The following SBF2 variants were observed in gnomAD, a reference collection of about 807,000 sequenced individuals.
SBF2 encodes the protein myotubularin-related protein 13.
SBF2 carries 112 observed loss-of-function variants against 225.2 expected under a neutral mutation model. The ratio of observed to expected loss-of-function variants is 0.50; its 90% CI spans 0.43 to 0.58. SBF2 has a LOEUF of 0.58. Among genes scored for constraint, SBF2 ranks in the 20% least tolerant of loss-of-function variants. SBF2 has a pLI of 0.00. For missense variants in SBF2, 1,996 were observed against 2,206.2 expected, an observed-to-expected ratio of 0.90 and a Z score of 1.91; for synonymous variants, 763 against 773.3, an observed-to-expected ratio of 0.99 and a Z score of 0.22.
intron 17 of SBF2, among the ~76,000 whole-genome samples, chr11:9,874,594 C>T (rs1859060872): frequency 6.6e-6 from 1 of 152,176 alleles, no homozygotes; most frequent in African/African-American, 2.4e-5. Context: ...TGCATTTAAA[C>T]TGTAACTGTT....
At chr11:9,866,954 T>C (rs1858275456) in intron 17 of SBF2, among the ~76,000 whole-genome samples, 1 of 152,054 alleles carries the variant, frequency 6.6e-6, no homozygotes, top group Non-Finnish European at 1.5e-5. Context: ...ATAAAAATGG[T>C]CGACAGGCAT....
chr11:9,804,538 A>T (rs1404009693), intron 32 of SBF2, among the ~76,000 whole-genome samples: 2 of 152,190 alleles, frequency 1.3e-5, no homozygotes, highest in Non-Finnish European at 2.9e-5. Flanking sequence ...CCATCACCAC[A>T]ATCATGATAC....
intron 16 of SBF2, among the ~76,000 whole-genome samples, chr11:9,955,604 A>C (rs1464155506): frequency 6.6e-6 from 1 of 152,064 alleles, no homozygotes; most frequent in Non-Finnish European, 1.5e-5. Flanking sequence ...ATCATCCCCT[A>C]ACTTGGCAAT....
intron 2 of SBF2, among the ~76,000 whole-genome samples, chr11:10,184,936 C>T (rs1956874315): frequency 6.6e-6 from 1 of 152,244 alleles, no homozygotes; most frequent in East Asian, 1.9e-4. Flanking sequence ...CCGTGTTAGC[C>T]AGGATGGTCT....
intron 1 of SBF2, among the ~76,000 whole-genome samples, chr11:10,285,650 T>C (rs1591367804): frequency 1.3e-5 from 2 of 152,308 alleles, no homozygotes; most frequent in Middle Eastern, 3.4e-3. Context: ...CCAATGGGAA[T>C]CCTCTAGAGG....
At chr11:10,080,220 C>T (rs1006863394) in intron 2 of SBF2, among the ~76,000 whole-genome samples, 1 of 143,076 alleles carries the variant, frequency 7.0e-6, no homozygotes, top group African/African-American at 2.6e-5. Flanking sequence ...TGCACTCCAG[C>T]CTGGAAAATA....
chr11:10,151,959 T>C (rs996759537), intron 2 of SBF2, among the ~76,000 whole-genome samples: 1 of 152,224 alleles, frequency 6.6e-6, no homozygotes, highest in African/African-American at 2.4e-5. Context: ...ATAAACTATA[T>C]TTTTAGTTCT....
chr11:10,118,045 CAAAACAAGTTAAA>C (rs1053584178), intron 2 of SBF2, among the ~76,000 whole-genome samples: 10 of 152,136 alleles, frequency 6.6e-5, no homozygotes, highest in African/African-American at 2.4e-4. Context: ...GATCTTATTA[CAAAACAAGTTAAA>C]GAAACAAACA....
chr11:10,030,308 A>G (rs1443444746), intron 4 of SBF2, among the ~76,000 whole-genome samples: 3 of 152,198 alleles, frequency 2.0e-5, no homozygotes, highest in Admixed American at 1.3e-4. Context: ...ATTGCAAAAC[A>G]GAGACAAGAT....
intron 16 of SBF2, among the ~76,000 whole-genome samples, chr11:9,904,296 G>A (rs911184312): frequency 1.1e-4 from 17 of 152,100 alleles, no homozygotes; most frequent in African/African-American, 4.1e-4. Flanking sequence ...AGTTGGGGTA[G>A]CTATATTAAT....
chr11:10,181,685 T>C (rs1956742337), intron 2 of SBF2, among the ~76,000 whole-genome samples: 1 of 152,120 alleles, frequency 6.6e-6, no homozygotes, highest in Admixed American at 6.5e-5. Flanking sequence ...TTCAATGCAA[T>C]AGTAAACTAT....
intron 21 of SBF2, 57 bp downstream of exon 21, chr11:9,852,619 T>A: frequency 8.1e-7 from 1 of 1,232,130 alleles, no homozygotes; most frequent in South Asian, 1.2e-5. Flanking sequence ...CACAGCAGTC[T>A]ATTGTTTGTT....
chr11:10,028,378 G>T, intron 6 of SBF2, 74 bp downstream of exon 6: 1 of 907,568 alleles, frequency 1.1e-6, no homozygotes, highest in Non-Finnish European at 1.9e-6. Context: ...CATGTGAGGT[G>T]ATGTCGACTT....
intron 25 of SBF2, among the ~76,000 whole-genome samples, chr11:9,842,395 C>G (rs376905868): frequency 1.4e-4 from 21 of 152,184 alleles, no homozygotes; most frequent in Admixed American, 4.6e-4. Flanking sequence ...TAAAAATGAC[C>G]AATTAGCTGT....
At chr11:10,189,070 T>C (rs907289555) in intron 2 of SBF2, among the ~76,000 whole-genome samples, 1 of 152,226 alleles carries the variant, frequency 6.6e-6, no homozygotes, top group African/African-American at 2.4e-5. Flanking sequence ...AGGCTTTAGA[T>C]TCCATCTACA....
chr11:9,966,611 A>C (rs1866929536), intron 14 of SBF2, among the ~76,000 whole-genome samples: 2 of 152,326 alleles, frequency 1.3e-5, no homozygotes, highest in South Asian at 4.1e-4. Flanking sequence ...TTAGTAAAGG[A>C]AGACAACTCA....
At chr11:10,258,109 C>CACACT (rs1555098198) in intron 1 of SBF2, among the ~76,000 whole-genome samples, 26 of 133,526 alleles carry the variant, frequency 1.9e-4, no homozygotes, top group African/African-American at 2.5e-4. Context: ...CACACACACA[C>CACACT]TTTTTTTTTT....
chr11:9,816,422 C>T (rs1854461488), intron 29 of SBF2, among the ~76,000 whole-genome samples: 1 of 152,156 alleles, frequency 6.6e-6, no homozygotes, highest in Admixed American at 6.5e-5. Flanking sequence ...CTTCCTCTCT[C>T]CATTCTTCTA....
chr11:9,795,238 T>C, intron 33 of SBF2, among the ~76,000 whole-genome samples: 1 of 152,178 alleles, frequency 6.6e-6, no homozygotes, highest in Non-Finnish European at 1.5e-5. Context: ...ATGTCTAAAA[T>C]TTATTGAGCG....
Sources: gnomAD v4.1 joint callset for allele counts (sites outside exome capture counted in the v4.1 genomes callset) on GRCh38, gnomAD v4.1.1 for gene constraint, MANE v1.5 for transcripts, NCBI Gene and HGNC (gene_info 2026-07-23, HGNC 2026-07-21) for gene names.